Variants in ICE1 observed in about 807,000 individuals in gnomAD.
ICE1 encodes interactor of little elongation complex ELL subunit 1, also known as little elongation complex subunit 1.
Under a neutral mutation model 192.7 loss-of-function variants are expected in ICE1, and 64 were observed. That is an observed-to-expected ratio of 0.33 (90% confidence interval 0.27 to 0.41). ICE1 has a LOEUF of 0.41. Ranked by LOEUF, ICE1 falls within the 10% of genes least tolerant of loss-of-function variation. The probability of loss-of-function intolerance (pLI) is 1.00; values close to 1 mark genes in which losing one functional copy is unlikely to be tolerated. For missense variants in ICE1, 2,708 were observed against 2,696.0 expected, an observed-to-expected ratio of 1.00 and a Z score of -0.10; for synonymous variants, 1,010 against 984.5, an observed-to-expected ratio of 1.03 and a Z score of -0.49.
Position 5,465,163 on chromosome 5 carries a change from CA to C in ICE1, c.5834del (p.Lys1945SerfsTer3). 2 of 1,606,516 alleles carry C rather than the reference CA, an allele frequency of 1.2e-6. No homozygotes were observed. Among genetic ancestry groups the C allele is most frequent in the Non-Finnish European group, 1.7e-6 (2 of 1,176,056 alleles). On this transcript the variant is annotated frameshift_variant, in exon 13 of 19. Transcript: ENST00000296564. LOFTEE classifies it high-confidence loss of function. ...GTCATGTGTATGTGGGAAATATCTC[CA>C]AAAAGCCCGTAATGAGAGATCAAGA... ...RSHVYVGNIS[K>X]KPVMRDQEKE...
chr5:5,474,002 A>C (rs2578558), intron 16 of ICE1, among the ~76,000 whole-genome samples: 82,743 of 151,804 alleles, frequency 0.55, 23,524 homozygotes, highest in Middle Eastern at 0.73. Context: ...CGAGGTCAGG[A>C]GATCGAGACC....
Position 5,489,328 on chromosome 5 carries a change from T to A in ICE1, c.6799T>A (p.Ter2267ArgextTer15), listed in dbSNP as rs373743120. 3.1e-6 allele frequency: 5 copies of A among 1,603,320 alleles called. No individual in the cohort carries two copies. The African/African-American group carries it at 5.4e-5, about 17-fold the overall frequency. The change falls in exon 19 of 19, where the codon TGA becomes AGA. Residue 2267 changes from the stop codon to arginine (R), a stop_lost. Coordinates refer to ENST00000296564, the MANE Select transcript of ICE1 (RefSeq NM_015325.3). ...VSALSTEELG* is the reference protein window; with the variant it reads ...VSALSTEELGR ...TGCCCTGAGCACAGAGGAGCTTGGC[T>A]GACCTGGGATGCCACTGAGGCTTGA...
At position 5,468,995 on chromosome 5, in the gene ICE1, C is replaced by T. The variant is rs2111392012; in HGVS notation, c.6222+7C>T. ...TTTTCTTAATTGGGAAAAGGTGAGC[C>T]ATATTTCTGTTTCTTACAGTATCTT... On this transcript the variant is annotated splice_region_variant and intron_variant, in intron 15 of 18. Transcript: ENST00000296564. 1 of 1,495,706 alleles carries T rather than the reference C, an allele frequency of 6.7e-7. No homozygotes were observed. The highest frequency in any genetic ancestry group is 1.5e-5 in the South Asian group (1 of 68,266). 92.7% of individuals were successfully genotyped at this position (1,495,706 alleles called of 1,614,324 possible).
In ICE1 at chr5:5,468,847, A is replaced by G; in HGVS notation, c.6081A>G (p.Lys2027=). ...TGATAGATTTTCCGGAGTCTGAAAAATTAACTTTGTTTATTGCAAACATGT... is the reference window on the plus strand; with the variant it reads ...TGATAGATTTTCCGGAGTCTGAAAAGTTAACTTTGTTTATTGCAAACATGT... ...LLKEDFPESE[K]LTLFIANMWH... Residue 2027 remains lysine (K), a synonymous_variant, in exon 15 of 19, where the codon AAA becomes AAG. Coordinates refer to ENST00000296564, the MANE Select transcript of ICE1 (RefSeq NM_015325.3). 6.3e-7 allele frequency: 1 copy of G among 1,585,324 alleles called. No homozygotes were observed. Among genetic ancestry groups the G allele is most frequent in the Non-Finnish European group, 8.6e-7 (1 of 1,167,932 alleles).
chr5:5,461,415 T>C lies in ICE1; in HGVS notation c.2081T>C (p.Ile694Thr), dbSNP rs766210850. 10 of 1,614,002 alleles carry C rather than the reference T, an allele frequency of 6.2e-6. No homozygotes were observed. In the South Asian group the frequency reaches 1.1e-4, roughly 18 times the overall value. The change falls in exon 13 of 19, where the codon ATA becomes ACA. Residue 694 changes from isoleucine (I) to threonine (T), a missense_variant. Ile to Thr is a moderately conservative substitution (Grantham distance 89). This residue lies in a region of ICE1 where 2,366 missense variants were observed against 2,276.6 expected (regional missense o/e 1.04). Coordinates refer to ENST00000296564, the MANE Select transcript of ICE1 (RefSeq NM_015325.3). Reference sequence around the variant, plus strand: ...CAGTCTGAGCCACCGGAGTGTTCTATAGGAGGAAACAACTTGGAGAATAGC... The same window carrying C: ...CAGTCTGAGCCACCGGAGTGTTCTACAGGAGGAAACAACTTGGAGAATAGC... ...HLQSEPPECS[I>T]GGNNLENSLC...
Position 5,441,242 on chromosome 5 carries a change from T to G in ICE1, c.309+19T>G. ...GAAAAAGGTATGAACAATAATTTTC[T>G]GTAAAGATTTACGGTCAATAAATTA... On this transcript the variant is annotated intron_variant, in intron 5 of 18. Coordinates refer to ENST00000296564, the MANE Select transcript of ICE1 (RefSeq NM_015325.3). The G allele has an allele frequency of 7.0e-7, 1 of 1,432,242 alleles. No individual in the cohort carries two copies. The highest frequency in any genetic ancestry group is 9.6e-7 in the Non-Finnish European group (1 of 1,039,624). The allele number at this position is 1,432,242 out of a possible 1,614,324, so 88.7% of individuals were successfully genotyped here.
chr5:5,481,102 G>T (rs1017388110), intron 17 of ICE1, among the ~76,000 whole-genome samples: 1 of 152,102 alleles, frequency 6.6e-6, no homozygotes, highest in African/African-American at 2.4e-5. Context: ...TTCAGTAGCA[G>T]CTTCTCTTAT....
At position 5,464,199 on chromosome 5, in the gene ICE1, G is replaced by A. The variant is rs762716026; in HGVS notation, c.4865G>A (p.Ser1622Asn). The A allele has an allele frequency of 8.2e-5, 132 of 1,613,506 alleles. No homozygotes were observed. The highest frequency in any genetic ancestry group is 1.0e-4 in the Non-Finnish European group (121 of 1,179,860). Residue 1622 changes from serine (S) to asparagine (N), a missense_variant, in exon 13 of 19, where the codon AGT (serine) becomes AAT (asparagine). This residue lies in a region of ICE1 where 2,366 missense variants were observed against 2,276.6 expected (regional missense o/e 1.04). Transcript: ENST00000296564. This position sits in a 1 kb window ranked among gnomAD's most constrained non-coding sequence, Gnocchi z 4.0. ...TPTDCSPDTL[S>N]KIRQEVGPPL... ...ACAGATTGTTCTCCTGACACACTGA[G>A]TAAAATACGGCAAGAGGTGGGGCCT...
intron 12 of ICE1, among the ~76,000 whole-genome samples, chr5:5,458,851 T>G (rs1411988399): frequency 6.6e-6 from 1 of 152,172 alleles, no homozygotes; most frequent in Non-Finnish European, 1.5e-5. Flanking sequence ...GGGTAGCGGC[T>G]TAATAAGCAG....
At chr5:5,482,242 G>T (rs2111405138) in intron 17 of ICE1, among the ~76,000 whole-genome samples, 1 of 152,124 alleles carries the variant, frequency 6.6e-6, no homozygotes, top group East Asian at 1.9e-4. Context: ...AATAATTTAT[G>T]ACTATTTAAT....
intron 7 of ICE1, 151 bp from the exon 8 acceptor site, chr5:5,447,276 T>C: frequency 3.3e-6 from 2 of 600,400 alleles, no homozygotes; most frequent in Non-Finnish European, 5.9e-6. Flanking sequence ...CGATAAAATA[T>C]TGAAGGAGCA....
chr5:5,427,646 C>T (rs568399500), intron 1 of ICE1, among the ~76,000 whole-genome samples: 5 of 152,270 alleles, frequency 3.3e-5, no homozygotes, highest in Admixed American at 1.3e-4. Context: ...TAAGTGTCAT[C>T]GTTTGGAACT....
chr5:5,441,121 TA>T lies in ICE1; in HGVS notation c.209del (p.Asn70IlefsTer26). 6.5e-7 allele frequency: 1 copy of T among 1,538,608 alleles called. No homozygotes were observed. The highest frequency in any genetic ancestry group is 8.8e-7 in the Non-Finnish European group (1 of 1,132,790). On this transcript the variant is annotated frameshift_variant, in exon 5 of 19. Coordinates refer to ENST00000296564, the MANE Select transcript of ICE1 (RefSeq NM_015325.3). LOFTEE classifies it high-confidence loss of function. The part of the protein sequence containing the change: ...ELQFARRENS[N>X]LHHQVEEMLQ... ...AATTCATTGTCTTTAGAGAGAATAG[TA>T]ATCTGCATCACCAAGTGGAAGAGAT...
intron 10 of ICE1, among the ~76,000 whole-genome samples, chr5:5,449,003 GAATTATCTTCGT>G (rs148385046): frequency 0.044 from 6,692 of 152,258 alleles, 550 homozygotes; most frequent in East Asian, 0.31. Context: ...CGGTTGAATG[GAATTATCTTCGT>G]TTTTGGACTG....
At chr5:5,466,554 C>G in intron 14 of ICE1, 52 bp downstream of exon 14, 2 of 1,432,700 alleles carry the variant, frequency 1.4e-6, no homozygotes, top group South Asian at 1.3e-5. Context: ...TTGCCTTTTT[C>G]CCTTATACTG....
rs181467999 is a variant in ICE1 at position 5,462,503 on chromosome 5, G to C, written c.3169G>C (p.Gly1057Arg). The C allele has an allele frequency of 3.7e-6, 6 of 1,613,976 alleles. No homozygotes were observed. In the East Asian group the frequency reaches 6.7e-5, roughly 18 times the overall value. Residue 1057 changes from glycine to arginine, a missense_variant, in exon 13 of 19, where the codon GGT (glycine) becomes CGT (arginine). Physicochemically the swap from Gly to Arg is moderately radical, Grantham distance 125 (BLOSUM62 -2). Around this residue, in one of 2 missense-constraint regions of ICE1, gnomAD observed 2,366 missense variants for 2,276.6 expected, o/e 1.04. Transcript: ENST00000296564. The part of the protein sequence containing the change: ...GLWKLKSTTP[G>R]GALPECFGTT... The stretch of plus-strand genomic sequence containing the variant: ...TTGGAAATTGAAATCTACAACTCCC[G>C]GTGGTGCTTTGCCTGAGTGTTTTGG...
At chr5:5,452,451 TG>T (rs1738453088) in intron 10 of ICE1, among the ~76,000 whole-genome samples, 3 of 152,058 alleles carry the variant, frequency 2.0e-5, no homozygotes, top group Non-Finnish European at 4.4e-5. Context: ...AACCAGCAGA[TG>T]TCTAAGAAAA....
chr5:5,428,618 A>C (rs986785272), intron 1 of ICE1, among the ~76,000 whole-genome samples: 1 of 152,180 alleles, frequency 6.6e-6, no homozygotes, highest in South Asian at 2.1e-4. Context: ...TACATGTTCC[A>C]GGGTATACTT....
chr5:5,442,499 A>C (rs1208605863), intron 5 of ICE1, among the ~76,000 whole-genome samples: 1 of 152,248 alleles, frequency 6.6e-6, no homozygotes, highest in Non-Finnish European at 1.5e-5. Flanking sequence ...GCCATATTTG[A>C]GAAGAAGCAT....
Sources: allele counts gnomAD v4.1 joint callset (sites outside exome capture counted in the v4.1 genomes callset), GRCh38; gene constraint gnomAD v4.1.1; regional missense constraint gnomAD v4.1.1; non-coding constraint Gnocchi (gnomAD v3.1); transcripts MANE v1.5; gene names NCBI Gene and HGNC (gene_info 2026-07-23, HGNC 2026-07-21).